SETD2: variants seen among roughly 807,000 people sequenced by gnomAD.
The protein encoded by SETD2 is SET domain containing 2, histone lysine methyltransferase.
A neutral mutation model predicts 242.1 loss-of-function variants in SETD2; 31 were observed. That is an observed-to-expected ratio of 0.13 (90% CI 0.10 to 0.17). SETD2 has a LOEUF of 0.17. Among genes scored for constraint, SETD2 ranks in the 10% least tolerant of loss-of-function variants. The pLI, the probability that SETD2 is intolerant of heterozygous loss-of-function variation, is 1.00. For synonymous variants in SETD2, 1,006 were observed against 1,066.5 expected, an observed-to-expected ratio of 0.94 and a Z score of 1.11; for missense variants, 2,481 against 3,046.3, an observed-to-expected ratio of 0.81 and a Z score of 4.37.
At chr3:47,058,930 G>A (rs549593328) in intron 14 of SETD2, among the ~76,000 whole-genome samples, 1 of 151,822 alleles carries the variant, frequency 6.6e-6, no homozygotes, top group East Asian at 1.9e-4. Flanking sequence ...GAGTAGCTGG[G>A]ACTATAGGTG....
chr3:47,025,038 T>G (rs2038410169), intron 18 of SETD2, among the ~76,000 whole-genome samples: 1 of 152,238 alleles, frequency 6.6e-6, no homozygotes, highest in Non-Finnish European at 1.5e-5. Context: ...GACCATTATA[T>G]GCCTTCCCTA....
Position 47,083,885 on chromosome 3 carries a change from G to C in SETD2, c.5895C>G (p.Ser1965Arg), listed in dbSNP as rs768174639. 35 of 1,613,996 alleles carry C rather than the reference G, an allele frequency of 2.2e-5. No homozygotes were observed. Among genetic ancestry groups the C allele is most frequent in the Non-Finnish European group, 2.6e-5 (31 of 1,180,002 alleles). ...EADAEIEPKE[S>R]NGTKLEEPIN... ...TAGGTTCTTCTAGTTTTGTGCCGTTGCTCTCTTTGGGCTCTATTTCAGCGT... is the reference window on the plus strand; with the variant it reads ...TAGGTTCTTCTAGTTTTGTGCCGTTCCTCTCTTTGGGCTCTATTTCAGCGT... Residue 1965 changes from serine (S) to arginine (R), a missense_variant, in exon 12 of 21, where the codon AGC becomes AGG. Transcript: ENST00000409792.
chr3:47,058,887 C>G (rs1378214981), intron 14 of SETD2, among the ~76,000 whole-genome samples: 4 of 151,802 alleles, frequency 2.6e-5, no homozygotes. Context: ...CTCCACCCCC[C>G]GGGTTCATGC....
chr3:47,037,733 T>A lies in SETD2; in HGVS notation c.7283A>T (p.Asp2428Val). Residue 2428 changes from aspartate to valine, a missense_variant, in exon 18 of 21, where the codon GAT (aspartate) becomes GTT (valine). By Grantham distance (152) the Asp-to-Val change is radical. Transcript: ENST00000409792. The stretch of plus-strand genomic sequence containing the variant: ...CTCAGCTTCATGCTCAAGGCTGGCA[T>A]CATCTCCTGGGCTTTCCCAAGTAGG... ...DPPTWESPGD[D>V]ASLEHEAEMD... The A allele has an allele frequency of 6.2e-7, 1 of 1,613,882 alleles. No individual in the cohort carries two copies. The highest frequency in any genetic ancestry group is 8.5e-7 in the Non-Finnish European group (1 of 1,179,842).
chr3:47,079,773 G>A (rs550915272), intron 12 of SETD2, among the ~76,000 whole-genome samples: 5 of 152,176 alleles, frequency 3.3e-5, no homozygotes, highest in Admixed American at 6.5e-5. Flanking sequence ...TACAAAAACA[G>A]ACAGTGGGGC....
At chr3:47,045,895 C>T (rs1246551957) in intron 16 of SETD2, among the ~76,000 whole-genome samples, 2 of 149,454 alleles carry the variant, frequency 1.3e-5, no homozygotes, top group African/African-American at 4.9e-5. Context: ...CCTGTCTCAG[C>T]CTCCTGAGTA....
intron 12 of SETD2, among the ~76,000 whole-genome samples, chr3:47,077,234 C>T (rs1307920958): frequency 2.0e-5 from 3 of 152,070 alleles, no homozygotes; most frequent in Non-Finnish European, 4.4e-5. Context: ...ACAGGCACTG[C>T]CATCGTGCCC....
chr3:47,022,193 T>TCACACACACACACACA (rs55972218), intron 18 of SETD2, among the ~76,000 whole-genome samples: 3 of 130,948 alleles, frequency 2.3e-5, no homozygotes, highest in Admixed American at 7.7e-5. Context: ...CAACAATCTG[T>TCACACACACACACACA]CACACACACA....
intron 1 of SETD2, among the ~76,000 whole-genome samples, chr3:47,132,778 T>C (rs1206735839): frequency 6.6e-6 from 1 of 152,188 alleles, no homozygotes. Flanking sequence ...CAGTGTTTCT[T>C]ACACTTGAGT....
At chr3:47,142,950 G>A (rs1041643694) in intron 1 of SETD2, among the ~76,000 whole-genome samples, 3 of 152,078 alleles carry the variant, frequency 2.0e-5, no homozygotes, top group Non-Finnish European at 4.4e-5. Flanking sequence ...GATTACAGGC[G>A]TGAGCCACTG....
intron 18 of SETD2, among the ~76,000 whole-genome samples, chr3:47,028,240 G>A (rs2107511614): frequency 6.6e-6 from 1 of 152,232 alleles, no homozygotes; most frequent in African/African-American, 2.4e-5. Context: ...TGGCTTTTCT[G>A]CGTGGAGAAA....
At chr3:47,128,275 G>A (rs2043393408) in intron 1 of SETD2, among the ~76,000 whole-genome samples, 1 of 152,156 alleles carries the variant, frequency 6.6e-6, no homozygotes, top group Non-Finnish European at 1.5e-5. Context: ...TCTGGGTTAT[G>A]TTCTAACAAA....
At chr3:47,136,876 C>T (rs952936211) in intron 1 of SETD2, among the ~76,000 whole-genome samples, 2 of 152,132 alleles carry the variant, frequency 1.3e-5, no homozygotes, top group Non-Finnish European at 2.9e-5. Flanking sequence ...ATCACTTGAA[C>T]CCGGGAGGCA....
At chr3:47,157,860 C>A (rs1434061469) in intron 1 of SETD2, among the ~76,000 whole-genome samples, 5 of 132,200 alleles carry the variant, frequency 3.8e-5, no homozygotes, top group Admixed American at 8.0e-5. Flanking sequence ...GCAACAAGAG[C>A]AAAACTCCAT....
At chr3:47,150,685 G>A (rs2043963853) in intron 1 of SETD2, among the ~76,000 whole-genome samples, 1 of 152,000 alleles carries the variant, frequency 6.6e-6, no homozygotes, top group Non-Finnish European at 1.5e-5. Context: ...AGTTATTTAA[G>A]AATGTCTGGT....
Position 47,057,351 on chromosome 3 carries a change from C to T in SETD2, c.6433G>A (p.Gly2145Arg), listed in dbSNP as rs2040128015. The change falls in exon 15 of 21, where the codon GGA becomes AGA. Residue 2145 changes from glycine (G) to arginine (R), a missense_variant. Gly to Arg is a moderately radical substitution (Grantham distance 125). Around this residue, in one of 17 missense-constraint regions of SETD2, gnomAD observed 45 missense variants for 62.8 expected, o/e 0.72. Coordinates refer to ENST00000409792, the MANE Select transcript of SETD2 (RefSeq NM_014159.7). ...QKQQQQMQNL[G>R]MTSPLPYDSL... The stretch of plus-strand genomic sequence containing the variant: ...TCATAGGGCAGTGGTGATGTCATTC[C>T]CAGGTTCTGCATCTGTTGCTGTTGT... 6.2e-7 allele frequency: 1 copy of T among 1,614,158 alleles called. No individual in the cohort carries two copies.
chr3:47,124,013 A>G lies in SETD2; in HGVS notation c.623T>C (p.Val208Ala). Residue 208 changes from valine (V) to alanine (A), a missense_variant, in exon 3 of 21, where the codon GTA becomes GCA. Around this residue, in one of 17 missense-constraint regions of SETD2, gnomAD observed 334 missense variants for 374.5 expected, o/e 0.89. Transcript: ENST00000409792. ...ATGTGGCAAGGCCACTGGCTCTGTT[A>G]CTGGTGCTGGTGATGAGAGTGTTGT... ...QATTLSSPAP[V>A]TEPVALPHTP... 1 of 1,552,266 alleles carries G rather than the reference A, an allele frequency of 6.4e-7. No homozygotes were observed. The highest frequency in any genetic ancestry group is 8.7e-7 in the Non-Finnish European group (1 of 1,147,124).
At position 47,123,966 on chromosome 3, in the gene SETD2, C is replaced by T. The variant is rs1217051214; in HGVS notation, c.670G>A (p.Ala224Thr). The T allele has an allele frequency of 1.3e-6, 2 of 1,551,204 alleles. No homozygotes were observed. Among genetic ancestry groups the T allele is most frequent in the Admixed American group, 3.9e-5 (2 of 51,002 alleles). ...TCTACTGGTAAGGGTACTGGTGCTGCCATTAGAACTGTTATTGGTGTATGT... is the reference window on the plus strand; with the variant it reads ...TCTACTGGTAAGGGTACTGGTGCTGTCATTAGAACTGTTATTGGTGTATGT... ...LPHTPITVLM[A>T]APVPLPVDVA... Residue 224 changes from alanine (A) to threonine (T), a missense_variant, in exon 3 of 21, where the codon GCA (alanine) becomes ACA (threonine). This residue lies in a region of SETD2 where 334 missense variants were observed against 374.5 expected (regional missense o/e 0.89). Coordinates refer to ENST00000409792, the MANE Select transcript of SETD2 (RefSeq NM_014159.7).
intron 8 of SETD2, among the ~76,000 whole-genome samples, chr3:47,099,192 C>T (rs1385697785): frequency 6.6e-6 from 1 of 151,614 alleles, no homozygotes; most frequent in African/African-American, 2.4e-5. Flanking sequence ...TAACTGTCAC[C>T]AGACTGAACA....
Sources: allele counts gnomAD v4.1 joint callset (sites outside exome capture counted in the v4.1 genomes callset), GRCh38; gene constraint gnomAD v4.1.1; regional missense constraint gnomAD v4.1.1; transcripts MANE v1.5; gene names NCBI Gene and HGNC (gene_info 2026-07-23, HGNC 2026-07-21).